RLF: variants seen among roughly 807,000 people sequenced by gnomAD.
RLF encodes the protein zinc finger protein Rlf.
A neutral mutation model predicts 162.9 loss-of-function variants in RLF; 7 were observed. That is an observed-to-expected ratio of 0.04 (90% confidence interval 0.02 to 0.08). RLF has a LOEUF of 0.08. Among genes scored for constraint, RLF ranks in the 10% least tolerant of loss-of-function variants. The probability of loss-of-function intolerance (pLI) is 1.00; values close to 1 mark genes in which losing one functional copy is unlikely to be tolerated. For synonymous variants in RLF, 782 were observed against 791.5 expected (o/e 0.99, Z 0.20); for missense variants, 1,664 against 2,244.7 (o/e 0.74, Z 5.23).
At chr1:40,203,605 A>G (rs1213627002) in intron 5 of RLF, among the ~76,000 whole-genome samples, 2 of 151,906 alleles carry the variant, frequency 1.3e-5, no homozygotes, top group East Asian at 3.9e-4. Flanking sequence ...AACCTCAATT[A>G]TTATGTTTCT....
At chr1:40,214,918 CA>C (rs34756935) in intron 5 of RLF, among the ~76,000 whole-genome samples, 49 of 14,390 alleles carry the variant, frequency 3.4e-3, no homozygotes, top group Middle Eastern at 0.033. Flanking sequence ...GAGCCTGTCT[CA>C]AAAAAAAAAA....
chr1:40,205,642 A>T (rs942336954), intron 5 of RLF, among the ~76,000 whole-genome samples: 2 of 151,936 alleles, frequency 1.3e-5, no homozygotes, highest in African/African-American at 4.8e-5. Context: ...GGCGCCCGCC[A>T]CCATGCCCGG....
At chr1:40,187,827 C>G (rs11590331) in intron 1 of RLF, among the ~76,000 whole-genome samples, 5 of 152,056 alleles carry the variant, frequency 3.3e-5, no homozygotes, top group Non-Finnish European at 7.4e-5. Flanking sequence ...CAGAATCCTG[C>G]GCTACTATTG....
chr1:40,174,476 C>T (rs1642288869), intron 1 of RLF, among the ~76,000 whole-genome samples: 2 of 152,060 alleles, frequency 1.3e-5, no homozygotes, highest in South Asian at 2.1e-4. Flanking sequence ...TCATATTGCT[C>T]CCTAAATGAG....
chr1:40,224,059 A>G (rs1643030822), intron 6 of RLF, among the ~76,000 whole-genome samples: 1 of 152,234 alleles, frequency 6.6e-6, no homozygotes, highest in Non-Finnish European at 1.5e-5. Flanking sequence ...AAATTAAATC[A>G]TATATAGAAT....
intron 6 of RLF, among the ~76,000 whole-genome samples, chr1:40,223,423 A>G (rs187649449): frequency 1.3e-5 from 2 of 152,294 alleles, no homozygotes; most frequent in Non-Finnish European, 1.5e-5. Context: ...ATACCAGAGT[A>G]TTAAAGGTGT....
intron 1 of RLF, among the ~76,000 whole-genome samples, chr1:40,188,813 G>C (rs1642519517): frequency 6.6e-6 from 1 of 152,090 alleles, no homozygotes; most frequent in Non-Finnish European, 1.5e-5. Context: ...ACATTTTATG[G>C]CTCTACTCTT....
In RLF at chr1:40,189,068, A is replaced by C. The variant is rs761298030; in HGVS notation, c.251A>C (p.Tyr84Ser). ...CRSFCQTLLQ[Y>S]ASNKNASEHI... ...TTTATTTTGTAGACCTTATTGCAAT[A>C]TGCAAGCAACAAGAATGCATCAGAA... The change falls in exon 2 of 8, where the codon TAT (tyrosine) becomes TCT (serine). Residue 84 changes from tyrosine (Y) to serine (S), a missense_variant. By Grantham distance (144) the Tyr-to-Ser change is moderately radical (BLOSUM62 -2). Coordinates refer to ENST00000372771, the MANE Select transcript of RLF (RefSeq NM_012421.4). 1.9e-5 allele frequency: 30 copies of C among 1,593,492 alleles called. No individual in the cohort carries two copies. Among genetic ancestry groups the C allele is most frequent in the Non-Finnish European group, 2.5e-5 (29 of 1,167,728 alleles).
At chr1:40,200,537 A>T (rs1642697550) in intron 4 of RLF, among the ~76,000 whole-genome samples, 1 of 152,134 alleles carries the variant, frequency 6.6e-6, no homozygotes, top group Non-Finnish European at 1.5e-5. Context: ...AAATAAGAAG[A>T]TAGCTCTAAC....
Position 40,239,579 on chromosome 1 carries a change from G to A in RLF, c.4877G>A (p.Ser1626Asn), listed in dbSNP as rs1385920047. 4 of 1,614,140 alleles carry A rather than the reference G, an allele frequency of 2.5e-6. No individual in the cohort carries two copies. The highest frequency in any genetic ancestry group is 1.7e-5 in the Admixed American group (1 of 60,014). The change falls in exon 8 of 8, where the codon AGC (serine) becomes AAC (asparagine). Residue 1626 changes from serine (S) to asparagine (N), a missense_variant. Physicochemically the swap from Ser to Asn is conservative, Grantham distance 46. Coordinates refer to ENST00000372771, the MANE Select transcript of RLF (RefSeq NM_012421.4). ...RSCESERTEHSHSPGDSSAPI... is the reference protein window; with the variant it reads ...RSCESERTEHNHSPGDSSAPI... The stretch of plus-strand genomic sequence containing the variant: ...TGTGAATCAGAGCGCACAGAACACA[G>A]CCATTCCCCGGGTGACAGTAGTGCA...
chr1:40,175,627 C>T (rs1238507237), intron 1 of RLF, among the ~76,000 whole-genome samples: 3 of 150,946 alleles, frequency 2.0e-5, no homozygotes, highest in South Asian at 2.1e-4. Flanking sequence ...CCAGCCTGGG[C>T]GACAGAGTGA....
chr1:40,163,306 G>A (rs1402669918), intron 1 of RLF, among the ~76,000 whole-genome samples: 1 of 152,128 alleles, frequency 6.6e-6, no homozygotes, highest in Non-Finnish European at 1.5e-5. Flanking sequence ...GCTATGGGAG[G>A]AGGGGAAACT....
chr1:40,236,000 A>T lies in RLF; in HGVS notation c.1298A>T (p.Tyr433Phe). The T allele has an allele frequency of 6.2e-7, 1 of 1,613,260 alleles. No homozygotes were observed. Among genetic ancestry groups the T allele is most frequent in the Non-Finnish European group, 8.5e-7 (1 of 1,179,786 alleles). The change falls in exon 8 of 8, where the codon TAT becomes TTT. Residue 433 changes from tyrosine (Y) to phenylalanine (F), a missense_variant. Tyr to Phe is a conservative substitution (Grantham distance 22, BLOSUM62 3). Coordinates refer to ENST00000372771, the MANE Select transcript of RLF (RefSeq NM_012421.4). ...LDGFNMLEEL[Y>F]LQPDQKFDEE... is the part of the protein sequence containing the mutation. ...GGATTTAATATGTTAGAAGAACTAT[A>T]TTTGCAACCAGATCAAAAATTTGAT...
chr1:40,163,599 G>T (rs1027620085), intron 1 of RLF, among the ~76,000 whole-genome samples: 1 of 151,886 alleles, frequency 6.6e-6, no homozygotes, highest in Non-Finnish European at 1.5e-5. Flanking sequence ...TTTCTATGAA[G>T]TTTTTTTTAA....
chr1:40,176,142 A>C (rs958055157), intron 1 of RLF, among the ~76,000 whole-genome samples: 5 of 152,136 alleles, frequency 3.3e-5, no homozygotes, highest in African/African-American at 1.2e-4. Context: ...TTATTTACCT[A>C]TTGATAGACA....
chr1:40,179,726 G>A (rs1047106173), intron 1 of RLF, among the ~76,000 whole-genome samples: 6 of 152,022 alleles, frequency 3.9e-5, no homozygotes, highest in Non-Finnish European at 8.8e-5. Context: ...GTGAAAGTAT[G>A]TACCCATTAA....
At chr1:40,208,159 A>G (rs1334391839) in intron 5 of RLF, among the ~76,000 whole-genome samples, 1 of 152,214 alleles carries the variant, frequency 6.6e-6, no homozygotes, top group East Asian at 1.9e-4. Flanking sequence ...TTGTCTAGGC[A>G]GGGAAAGTAT....
Position 40,168,472 on chromosome 1 carries a change from C to T in RLF, c.237+6836C>T, listed in dbSNP as rs114627572. Among the ~76,000 whole-genome samples, 1,319 of 151,958 alleles carry T rather than the reference C, an allele frequency of 8.7e-3. 11 individuals carry two copies. The highest frequency in any genetic ancestry group is 0.036 in the South Asian group (173 of 4,792). Reference sequence around the variant, plus strand: ...TGTTGGCCAGGCTGGTCTCGAACTTCTGGCCTCAAGTGATCTGCCCACAGC... The same window carrying T: ...TGTTGGCCAGGCTGGTCTCGAACTTTTGGCCTCAAGTGATCTGCCCACAGC... On this transcript the variant is annotated intron_variant, in intron 1 of 7. Transcript: ENST00000372771.
At chr1:40,221,927 A>G (rs1476647047) in intron 5 of RLF, among the ~76,000 whole-genome samples, 1 of 150,542 alleles carries the variant, frequency 6.6e-6, no homozygotes, top group Admixed American at 6.6e-5. Context: ...AAGAGAAAGG[A>G]AAGGAGCCCC....
Sources: gnomAD v4.1 joint callset for allele counts (sites outside exome capture counted in the v4.1 genomes callset) on GRCh38, gnomAD v4.1.1 for gene constraint, MANE v1.5 for transcripts, NCBI Gene and HGNC (gene_info 2026-07-23, HGNC 2026-07-21) for gene names.